Variants in TENM3 observed in about 807,000 individuals in gnomAD.
TENM3 encodes the protein teneurin transmembrane protein 3.
Under a neutral mutation model 255.1 loss-of-function variants are expected in TENM3, and 63 were observed. The observed-to-expected ratio is 0.25, with a 90% CI of 0.20 to 0.30. TENM3 has a LOEUF of 0.30. Ranked by LOEUF, TENM3 falls within the 10% of genes least tolerant of loss-of-function variation. The pLI is 1.00. For missense variants in TENM3, 2,929 were observed against 3,461.1 expected, an observed-to-expected ratio of 0.85 and a Z score of 3.86; for synonymous variants, 1,306 against 1,322.3, an observed-to-expected ratio of 0.99 and a Z score of 0.27.
At chr4:182,596,061 A>T (rs1747185940) in intron 3 of TENM3, among the ~76,000 whole-genome samples, 1 of 152,116 alleles carries the variant, frequency 6.6e-6, no homozygotes, top group South Asian at 2.1e-4. Context: ...CTATTATATA[A>T]ATGTCATCAA....
intron 3 of TENM3, among the ~76,000 whole-genome samples, chr4:182,359,369 AG>A (rs201449554): frequency 0.02 from 3,059 of 151,650 alleles, 69 homozygotes; most frequent in African/African-American, 0.049. Flanking sequence ...TTGGTTGGTA[AG>A]CTATTGATTA....
At chr4:182,321,071 A>AT (rs779671649) in intron 1 of TENM3, among the ~76,000 whole-genome samples, 6 of 152,138 alleles carry the variant, frequency 3.9e-5, no homozygotes, top group Non-Finnish European at 8.8e-5. Context: ...CTCGAATTAT[A>AT]TTTTTCTGAT....
At chr4:182,425,980 C>T (rs1344221791) in intron 3 of TENM3, among the ~76,000 whole-genome samples, 1 of 136,564 alleles carries the variant, frequency 7.3e-6, no homozygotes, top group East Asian at 2.0e-4. Flanking sequence ...TGCACTCCAG[C>T]CTAAGAGACA....
At chr4:181,726,280 G>A in the TENM3 span, among the ~76,000 whole-genome samples, 10 of 152,212 alleles carry the variant, frequency 6.6e-5, no homozygotes, top group Non-Finnish European at 1.3e-4. Flanking sequence ...ATGAGTAGAA[G>A]AACACCAATT....
At chr4:181,527,102 G>C in the TENM3 span, among the ~76,000 whole-genome samples, 4 of 152,200 alleles carry the variant, frequency 2.6e-5, no homozygotes, top group African/African-American at 9.6e-5. Context: ...TGTTTGCACA[G>C]AGACCAGCTG....
At chr4:182,668,407 G>T (rs976023378) in intron 6 of TENM3, among the ~76,000 whole-genome samples, 2 of 151,918 alleles carry the variant, frequency 1.3e-5, no homozygotes, top group Non-Finnish European at 2.9e-5. Flanking sequence ...TGTTTCCTAG[G>T]GATATGGCTA....
intron 3 of TENM3, among the ~76,000 whole-genome samples, chr4:182,527,092 G>A (rs1288487965): frequency 2.6e-5 from 4 of 152,012 alleles, no homozygotes; most frequent in African/African-American, 7.3e-5. Flanking sequence ...GTTGTCTAAA[G>A]TATTAGACTT....
chr4:181,839,644 C>T, the TENM3 span, among the ~76,000 whole-genome samples: 5 of 150,662 alleles, frequency 3.3e-5, no homozygotes, highest in Admixed American at 1.3e-4. Flanking sequence ...TTAAAAAAAT[C>T]GAATTTTAGA....
In TENM3 at chr4:182,474,928, G is replaced by A. The variant is rs72999389; in HGVS notation, c.512-125996G>A. 3.1e-3 allele frequency among the ~76,000 whole-genome samples: 466 copies of A among 152,212 alleles called. 2 individuals are homozygous for A. The highest frequency in any genetic ancestry group is 0.011 in the African/African-American group (446 of 41,522). ...ATGCTGTTGTCCTCTTGTGCATAAT[G>A]GTTGCAAGTCACATTGTCCCATCTC... On this transcript the variant is annotated intron_variant, in intron 3 of 27. Transcript: ENST00000511685.
the TENM3 span, among the ~76,000 whole-genome samples, chr4:181,886,027 T>C: frequency 6.6e-6 from 1 of 151,376 alleles, no homozygotes; most frequent in Non-Finnish European, 1.5e-5. Flanking sequence ...CTACGAGTTT[T>C]TTCGCTGTGG....
At position 182,180,488 on chromosome 4, in the gene TENM3, T is replaced by C. The variant is rs573080648; in HGVS notation, c.-76+35734T>C. Among the ~76,000 whole-genome samples, 13 of 152,340 alleles carry C rather than the reference T, an allele frequency of 8.5e-5. 1 individual carries two copies. The South Asian group carries it at 2.5e-3, about 29-fold the overall frequency. On this transcript the variant is annotated intron_variant, in intron 1 of 2. Transcript: ENST00000512480. The stretch of plus-strand genomic sequence containing the variant: ...CTTCATAGCATCTGGTGATGTTATA[T>C]AGTAAAGAGAGTAGTATTTTTTTAA...
chr4:182,451,254 C>T (rs1773437448), intron 3 of TENM3, among the ~76,000 whole-genome samples: 1 of 152,080 alleles, frequency 6.6e-6, no homozygotes, highest in African/African-American at 2.4e-5. Flanking sequence ...TCTTAGATAG[C>T]AGTGGCCTAG....
the TENM3 span, among the ~76,000 whole-genome samples, chr4:181,475,167 A>T: frequency 2.6e-5 from 4 of 152,150 alleles, no homozygotes; most frequent in East Asian, 7.7e-4. Context: ...TCTCTAATAT[A>T]TGTCAATGAC....
At chr4:182,591,927 C>T (rs1746690531) in intron 3 of TENM3, among the ~76,000 whole-genome samples, 1 of 152,076 alleles carries the variant, frequency 6.6e-6, no homozygotes, top group South Asian at 2.1e-4. Context: ...TGAGTATAAG[C>T]ACCTATTTCC....
At chr4:182,588,996 C>G (rs1488965162) in intron 3 of TENM3, among the ~76,000 whole-genome samples, 1 of 152,066 alleles carries the variant, frequency 6.6e-6, no homozygotes, top group Non-Finnish European at 1.5e-5. Context: ...AGAAGATAAC[C>G]AGAAATTCTG....
the TENM3 span, among the ~76,000 whole-genome samples, chr4:181,807,555 G>A: frequency 1.3e-5 from 2 of 152,272 alleles, no homozygotes; most frequent in South Asian, 2.1e-4. Context: ...GTTTCTGCAT[G>A]TTGGTCAGTC....
At chr4:182,240,887 G>T (rs1649055284), upstream of TENM3, among the ~76,000 whole-genome samples, 1 of 152,202 alleles carries the variant, frequency 6.6e-6, no homozygotes, top group Admixed American at 6.5e-5. Context: ...TGTCCCCTCA[G>T]ATCTGGCCTC....
At chr4:182,687,152 A>G (rs1445597201) in intron 11 of TENM3, among the ~76,000 whole-genome samples, 1 of 152,178 alleles carries the variant, frequency 6.6e-6, no homozygotes, top group Non-Finnish European at 1.5e-5. Context: ...AGGTTTTAGT[A>G]CATTTTCTGT....
the TENM3 span, among the ~76,000 whole-genome samples, chr4:181,880,334 A>G: frequency 2.3e-3 from 356 of 152,340 alleles, 1 homozygote; most frequent in African/African-American, 8.0e-3. Context: ...ATATTTAAAT[A>G]TGCAAATATT....
Sources: allele counts gnomAD v4.1 joint callset (sites outside exome capture counted in the v4.1 genomes callset), GRCh38; gene constraint gnomAD v4.1.1; transcripts MANE v1.5; gene names NCBI Gene and HGNC (gene_info 2026-07-23, HGNC 2026-07-21).